ANKIB1: variants seen among roughly 807,000 people sequenced by gnomAD.
ANKIB1 encodes the protein ankyrin repeat and IBR domain-containing protein 1.
Under a neutral mutation model 122.1 loss-of-function variants are expected in ANKIB1, and 43 were observed. The ratio of observed to expected loss-of-function variants is 0.35; its 90% confidence interval spans 0.28 to 0.45. The LOEUF is 0.45. Among genes scored for constraint, ANKIB1 ranks in the 20% least tolerant of loss-of-function variants. ANKIB1 has a pLI of 1.00. For synonymous variants in ANKIB1, 390 were observed against 442.0 expected, an observed-to-expected ratio of 0.88 and a Z score of 1.48; for missense variants, 992 against 1,329.5, an observed-to-expected ratio of 0.75 and a Z score of 3.95.
At chr7:92,298,280 CTG>C (rs1041994510) in intron 2 of ANKIB1, among the ~76,000 whole-genome samples, 6 of 151,762 alleles carry the variant, frequency 4.0e-5, no homozygotes, top group African/African-American at 7.3e-5. Context: ...AATTATAAAA[CTG>C]TTGATATATT....
At position 92,246,218 on chromosome 7, in the gene ANKIB1, C is replaced by G. The variant is rs1800979403; in HGVS notation, c.-392C>G. The stretch of plus-strand genomic sequence containing the variant: ...AAGAGCCACCGCCCCCTCTTCCCCT[C>G]CCCCGAGTGAGGCGGCGCAGCGGCC... On this transcript the variant is annotated 5_prime_UTR_variant, in exon 1 of 20. Transcript: ENST00000265742. 5.3e-6 allele frequency: 2 copies of G among 376,978 alleles called. No individual in the cohort carries two copies. The highest frequency in any genetic ancestry group is 1.0e-5 in the Non-Finnish European group (2 of 198,370). The allele number at this position is 376,978 out of a possible 1,614,324, so 23.4% of individuals were successfully genotyped here.
intron 1 of ANKIB1, among the ~76,000 whole-genome samples, chr7:92,279,876 GCA>G (rs141023555): frequency 6.6e-6 from 1 of 151,528 alleles, no homozygotes; most frequent in African/African-American, 2.4e-5. Flanking sequence ...AAACAAACAA[GCA>G]CACACACACA....
At chr7:92,311,059 T>C (rs893688188) in intron 3 of ANKIB1, among the ~76,000 whole-genome samples, 2 of 152,210 alleles carry the variant, frequency 1.3e-5, no homozygotes, top group African/African-American at 4.8e-5. Flanking sequence ...AAATATTTTT[T>C]TTCTAAACAT....
chr7:92,258,963 G>C (rs1585074669), intron 1 of ANKIB1, among the ~76,000 whole-genome samples: 1 of 150,484 alleles, frequency 6.6e-6, no homozygotes, highest in South Asian at 2.1e-4. Context: ...GTTTTGTTTT[G>C]TTTTTTTTGA....
At chr7:92,291,616 G>T (rs1802252730) in intron 1 of ANKIB1, among the ~76,000 whole-genome samples, 1 of 147,864 alleles carries the variant, frequency 6.8e-6, no homozygotes, top group Non-Finnish European at 1.5e-5. Flanking sequence ...TGTGGCCTGG[G>T]CCTGGGCTGG....
At chr7:92,356,280 G>A (rs552671058) in intron 9 of ANKIB1, among the ~76,000 whole-genome samples, 73 of 152,228 alleles carry the variant, frequency 4.8e-4, no homozygotes, top group African/African-American at 1.7e-3. Context: ...TAATAATTGT[G>A]TCTCATCTTT....
In ANKIB1 at chr7:92,396,559, A is replaced by G. The variant is rs151109090; in HGVS notation, c.2395+83A>G. ...AACTGGCTGATGTAAATTTTTGTGA[A>G]CGAGTTTGTCATTTAGATATACAAT... On this transcript the variant is annotated intron_variant, in intron 18 of 19. Transcript: ENST00000265742. 73 of 701,628 alleles carry G rather than the reference A, an allele frequency of 1.0e-4. No homozygotes were observed. The East Asian group carries it at 2.0e-3, about 19-fold the overall frequency. The allele number at this position is 701,628 out of a possible 1,614,324, so 43.5% of individuals were successfully genotyped here.
At chr7:92,363,891 C>T (rs1370910753) in intron 10 of ANKIB1, among the ~76,000 whole-genome samples, 1 of 152,184 alleles carries the variant, frequency 6.6e-6, no homozygotes, top group African/African-American at 2.4e-5. Context: ...GAAAGAGATT[C>T]CTTTCACTTG....
At chr7:92,256,928 G>A (rs111805492) in intron 1 of ANKIB1, among the ~76,000 whole-genome samples, 2,308 of 152,260 alleles carry the variant, frequency 0.015, 53 homozygotes, top group African/African-American at 0.052. Flanking sequence ...TGTGGCTCAC[G>A]CCTGTAATCC....
intron 5 of ANKIB1, among the ~76,000 whole-genome samples, chr7:92,335,832 T>G (rs917896235): frequency 5.3e-5 from 8 of 152,048 alleles, no homozygotes; most frequent in Admixed American, 5.2e-4. Flanking sequence ...TGTCTCTTTA[T>G]TTTTTGTTCT....
intron 5 of ANKIB1, among the ~76,000 whole-genome samples, chr7:92,328,266 A>G (rs1803069874): frequency 6.6e-6 from 1 of 151,570 alleles, no homozygotes; most frequent in African/African-American, 2.4e-5. Flanking sequence ...TCAAGTATAA[A>G]ATTATGGTAG....
intron 5 of ANKIB1, among the ~76,000 whole-genome samples, chr7:92,331,051 G>A (rs1484258369): frequency 6.6e-6 from 1 of 152,074 alleles, no homozygotes; most frequent in Middle Eastern, 3.2e-3. Flanking sequence ...TGTAGAGCTG[G>A]CAGAAAAGTA....
At chr7:92,319,243 TTTA>T (rs1802855610) in intron 3 of ANKIB1, 84 bp from the exon 4 acceptor site, 2 of 842,438 alleles carry the variant, frequency 2.4e-6, no homozygotes, top group Non-Finnish European at 1.8e-6. Flanking sequence ...TTGTGTTAAT[TTTA>T]TTATATTTTT....
chr7:92,363,188 G>A (rs920199465), intron 10 of ANKIB1, among the ~76,000 whole-genome samples: 1 of 151,946 alleles, frequency 6.6e-6, no homozygotes, highest in South Asian at 2.1e-4. Context: ...AGAGGCAGGC[G>A]GATCATGAGG....
chr7:92,367,876 C>G lies in ANKIB1; in HGVS notation c.1487-3601C>G, dbSNP rs143540342. On this transcript the variant is annotated intron_variant, in intron 10 of 19. Transcript: ENST00000265742. ...TATTATTTAAAAATTCAGTCTTTGA[C>G]TAGGTGCAGTGGTTTACGCCTGTAA... 2.4e-3 allele frequency among the ~76,000 whole-genome samples: 372 copies of G among 152,272 alleles called. 2 individuals are homozygous for G. Among genetic ancestry groups the G allele is most frequent in the South Asian group, 0.016 (79 of 4,822 alleles).
At chr7:92,291,290 T>C (rs1291682211) in intron 1 of ANKIB1, among the ~76,000 whole-genome samples, 1 of 146,898 alleles carries the variant, frequency 6.8e-6, no homozygotes, top group East Asian at 2.0e-4. Context: ...CGAGATCCCG[T>C]CTCAAAAAAA....
chr7:92,397,728 C>T lies in ANKIB1; in HGVS notation c.2401C>T (p.Pro801Ser). 1 of 1,610,910 alleles carries T rather than the reference C, an allele frequency of 6.2e-7. No individual in the cohort carries two copies. The highest frequency in any genetic ancestry group is 1.1e-5 in the South Asian group (1 of 90,834). The change falls in exon 19 of 20, where the codon CCA (proline) becomes TCA (serine). Residue 801 changes from proline to serine, a missense_variant. Pro to Ser is a moderately conservative substitution (Grantham distance 74, BLOSUM62 -1). Coordinates refer to ENST00000265742, the MANE Select transcript of ANKIB1 (RefSeq NM_019004.2). ...DEPSESTLDI[P>S]EGGSSSRRPG... Reference sequence around the variant, plus strand: ...TACCAATTGCTTTGAAACAGATATTCCAGAAGGCGGCAGCAGCAGCCGCAG... The same window carrying T: ...TACCAATTGCTTTGAAACAGATATTTCAGAAGGCGGCAGCAGCAGCCGCAG...
chr7:92,251,428 G>A (rs1431509935), intron 1 of ANKIB1, among the ~76,000 whole-genome samples: 1 of 152,062 alleles, frequency 6.6e-6, no homozygotes, highest in African/African-American at 2.4e-5. Flanking sequence ...CCTGGCCTTA[G>A]GCAATAGGTG....
intron 10 of ANKIB1, among the ~76,000 whole-genome samples, chr7:92,370,678 C>A (rs1372366168): frequency 6.6e-6 from 1 of 152,010 alleles, no homozygotes; most frequent in Non-Finnish European, 1.5e-5. Context: ...CTTCAGATGT[C>A]CTGACTTATT....
Sources: gnomAD v4.1 joint callset for allele counts (sites outside exome capture counted in the v4.1 genomes callset) on GRCh38, gnomAD v4.1.1 for gene constraint, MANE v1.5 for transcripts, NCBI Gene and HGNC (gene_info 2026-07-23, HGNC 2026-07-21) for gene names.